The following AGMO variants were observed in gnomAD, a reference collection of about 807,000 sequenced individuals.
AGMO encodes the protein glyceryl-ether monooxygenase.
A neutral mutation model predicts 60.2 loss-of-function variants in AGMO; 75 were observed. The ratio of observed to expected loss-of-function variants is 1.25; its 90% CI spans 1.03 to 1.51. AGMO has a LOEUF of 1.51. Among genes scored for constraint, AGMO ranks in the 40% most tolerant of loss-of-function variants. The pLI, the probability that AGMO is intolerant of heterozygous loss-of-function variation, is 0.00. For missense variants in AGMO, 763 were observed against 525.5 expected (o/e 1.45, Z -4.42); for synonymous variants, 261 against 177.1 (o/e 1.47, Z -3.76).
chr7:15,556,819 C>G (rs754999470), intron 2 of AGMO, among the ~76,000 whole-genome samples: 1 of 151,996 alleles, frequency 6.6e-6, no homozygotes, highest in Non-Finnish European at 1.5e-5. Context: ...GCATGATACA[C>G]TGTGTTTATC....
At chr7:15,449,210 C>T (rs1781790873) in intron 3 of AGMO, among the ~76,000 whole-genome samples, 1 of 152,108 alleles carries the variant, frequency 6.6e-6, no homozygotes, top group Admixed American at 6.5e-5. Context: ...TAATGAAGTT[C>T]AATATACAGC....
chr7:15,531,633 C>CTATATATATTCTATATATATAGAA (rs1784366543), intron 3 of AGMO, among the ~76,000 whole-genome samples: 1 of 117,650 alleles, frequency 8.5e-6, no homozygotes, highest in Non-Finnish European at 1.7e-5. Context: ...TATATATATT[C>CTATATATATTCTATATATATAGAA]TATATATATA....
At chr7:15,335,712 T>C (rs987539608) in intron 12 of AGMO, among the ~76,000 whole-genome samples, 8 of 152,314 alleles carry the variant, frequency 5.3e-5, no homozygotes, top group East Asian at 1.9e-4. Context: ...AGATTTATTA[T>C]AGCATGTGTA....
intron 3 of AGMO, among the ~76,000 whole-genome samples, chr7:15,463,621 C>T (rs1357897922): frequency 6.6e-6 from 1 of 152,126 alleles, no homozygotes; most frequent in Non-Finnish European, 1.5e-5. Flanking sequence ...GGGTCCCCTT[C>T]CTCAAGAAGT....
intron 12 of AGMO, among the ~76,000 whole-genome samples, chr7:15,285,859 G>T (rs995038096): frequency 6.6e-6 from 1 of 152,048 alleles, no homozygotes; most frequent in African/African-American, 2.4e-5. Context: ...CATGACACTG[G>T]TATACAAGTA....
intron 12 of AGMO, among the ~76,000 whole-genome samples, chr7:15,349,758 G>C (rs1324685630): frequency 2.0e-5 from 3 of 152,248 alleles, no homozygotes; most frequent in African/African-American, 7.2e-5. Context: ...TCTCTTCACA[G>C]GGTGACAGAA....
At chr7:15,127,793 T>C in the AGMO span, among the ~76,000 whole-genome samples, 85 of 152,162 alleles carry the variant, frequency 5.6e-4, no homozygotes, top group African/African-American at 2.0e-3. Flanking sequence ...TTAAATATTT[T>C]ATTCTGTGGT....
chr7:15,158,712 C>T, the AGMO span, among the ~76,000 whole-genome samples: 3 of 152,090 alleles, frequency 2.0e-5, no homozygotes, highest in African/African-American at 7.2e-5. Flanking sequence ...GCTTATAAAG[C>T]CCCAGCATAG....
chr7:15,374,823 T>C (rs1217367061), intron 10 of AGMO, among the ~76,000 whole-genome samples: 1 of 151,960 alleles, frequency 6.6e-6, no homozygotes, highest in Non-Finnish European at 1.5e-5. Context: ...AGGCTAGCAT[T>C]TGGAAAATAG....
At chr7:15,390,805 G>A (rs1473846529) in intron 7 of AGMO, 35 bp downstream of exon 7, 1 of 1,581,498 alleles carries the variant, frequency 6.3e-7, no homozygotes, top group African/African-American at 1.4e-5. Flanking sequence ...TAAAGGAGCT[G>A]ATTTAATTTT....
intron 3 of AGMO, among the ~76,000 whole-genome samples, chr7:15,491,396 T>C (rs958379870): frequency 6.6e-6 from 1 of 152,210 alleles, no homozygotes; most frequent in African/African-American, 2.4e-5. Flanking sequence ...ACACTGGTAT[T>C]TATTCTAGTT....
rs552933358 is a variant in AGMO, at chr7:15,522,167, G to A, written c.409+22605C>T. ...GAGATGTAAAGGACCTCTTCAAGGAGAACTACAAACCACTGCTCAAGGATA... is the reference window on the plus strand; with the variant it reads ...GAGATGTAAAGGACCTCTTCAAGGAAAACTACAAACCACTGCTCAAGGATA... On this transcript the variant is annotated intron_variant, in intron 3 of 12. Coordinates refer to ENST00000342526, the MANE Select transcript of AGMO (RefSeq NM_001004320.2). Among the ~76,000 whole-genome samples the A allele has an allele frequency of 2.9e-3, 442 of 152,244 alleles. 3 individuals carry two copies. The highest frequency in any genetic ancestry group is 0.01 in the African/African-American group (423 of 41,544).
chr7:15,323,964 A>T (rs757838821), intron 12 of AGMO, among the ~76,000 whole-genome samples: 1 of 152,230 alleles, frequency 6.6e-6, no homozygotes, highest in Non-Finnish European at 1.5e-5. Context: ...CTTGCCGCAG[A>T]CATTTCTATT....
chr7:15,209,354 C>G (rs1486133718), intron 12 of AGMO, among the ~76,000 whole-genome samples: 1 of 150,836 alleles, frequency 6.6e-6, no homozygotes, highest in Non-Finnish European at 1.5e-5. Context: ...TTGACTTTCT[C>G]TACCATGTAG....
chr7:15,351,918 A>C (rs1438625939), intron 12 of AGMO, among the ~76,000 whole-genome samples: 1 of 152,218 alleles, frequency 6.6e-6, no homozygotes, highest in Non-Finnish European at 1.5e-5. Flanking sequence ...TTATTGTTAC[A>C]CAGTAACATA....
At chr7:15,258,271 T>C (rs558034743) in intron 12 of AGMO, among the ~76,000 whole-genome samples, 252 of 152,288 alleles carry the variant, frequency 1.7e-3, no homozygotes, top group African/African-American at 5.9e-3. Flanking sequence ...CCAAAGATAA[T>C]TGTTTTTTAA....
intron 10 of AGMO, among the ~76,000 whole-genome samples, chr7:15,375,091 A>G (rs1783393212): frequency 6.6e-6 from 1 of 152,068 alleles, no homozygotes; most frequent in African/African-American, 2.4e-5. Context: ...TAATTGGTCC[A>G]AGACTGAAAA....
At chr7:15,453,681 C>G (rs1051618180) in intron 3 of AGMO, among the ~76,000 whole-genome samples, 1 of 152,098 alleles carries the variant, frequency 6.6e-6, no homozygotes, top group African/African-American at 2.4e-5. Context: ...ATCTGGAGAA[C>G]AATGAGCACT....
At chr7:15,493,262 T>G (rs891710603) in intron 3 of AGMO, among the ~76,000 whole-genome samples, 6 of 151,662 alleles carry the variant, frequency 4.0e-5, no homozygotes, top group African/African-American at 1.5e-4. Context: ...GTCCATATGT[T>G]TTGTTAGTCT....
Sources: allele counts gnomAD v4.1 joint callset (sites outside exome capture counted in the v4.1 genomes callset), GRCh38; gene constraint gnomAD v4.1.1; transcripts MANE v1.5; gene names NCBI Gene and HGNC (gene_info 2026-07-23, HGNC 2026-07-21).